ANKS1B: variants seen among roughly 807,000 people sequenced by gnomAD.
ANKS1B encodes ankyrin repeat and sterile alpha motif domain-containing protein 1B.
A neutral mutation model predicts 148.3 loss-of-function variants in ANKS1B; 36 were observed. The ratio of observed to expected loss-of-function variants is 0.24; its 90% confidence interval spans 0.19 to 0.32. The LOEUF (loss-of-function observed/expected upper bound fraction) is 0.32. Among genes scored for constraint, ANKS1B ranks in the 10% least tolerant of loss-of-function variants. The pLI is 1.00. For missense variants in ANKS1B, 1,157 were observed against 1,542.6 expected (o/e 0.75, Z 4.19); for synonymous variants, 542 against 560.8 (o/e 0.97, Z 0.47).
At chr12:99,952,161 T>A (rs1442658255) in intron 1 of ANKS1B, among the ~76,000 whole-genome samples, 1 of 152,178 alleles carries the variant, frequency 6.6e-6, no homozygotes, top group Admixed American at 6.6e-5. Context: ...TTGGGTCACA[T>A]AACCAAGTCC....
At chr12:99,488,139 G>A (rs184275146) in intron 10 of ANKS1B, among the ~76,000 whole-genome samples, 16 of 152,184 alleles carry the variant, frequency 1.1e-4, no homozygotes, top group African/African-American at 3.1e-4. Context: ...TTTGACTAAT[G>A]ATAGTCCTGC....
At chr12:98,776,629 G>T (rs2098678839) in intron 24 of ANKS1B, among the ~76,000 whole-genome samples, 1 of 152,182 alleles carries the variant, frequency 6.6e-6, no homozygotes, top group African/African-American at 2.4e-5. Context: ...AGGGCGCGTG[G>T]TGATGAAGTG....
At chr12:98,789,381 A>C (rs2098827361) in intron 22 of ANKS1B, among the ~76,000 whole-genome samples, 1 of 152,040 alleles carries the variant, frequency 6.6e-6, no homozygotes, top group Admixed American at 6.6e-5. Context: ...CGATAGAGTT[A>C]ATAAGATCAG....
intron 25 of ANKS1B, among the ~76,000 whole-genome samples, chr12:98,752,567 T>A (rs1409691660): frequency 6.6e-6 from 1 of 152,104 alleles, no homozygotes; most frequent in Non-Finnish European, 1.5e-5. Flanking sequence ...CACGGGTGCA[T>A]CTTTAAGCTT....
At chr12:99,508,886 A>T (rs968595080) in intron 9 of ANKS1B, among the ~76,000 whole-genome samples, 6 of 151,962 alleles carry the variant, frequency 3.9e-5, no homozygotes, top group South Asian at 2.1e-4. Context: ...TTGCATTTTT[A>T]AAAAAATAAA....
chr12:98,988,615 A>G (rs538223979), intron 17 of ANKS1B, among the ~76,000 whole-genome samples: 13 of 152,248 alleles, frequency 8.5e-5, no homozygotes, highest in African/African-American at 2.9e-4. Context: ...TTTGGATATT[A>G]TCTCAGTGGT....
chr12:99,675,815 T>C (rs537508872), intron 8 of ANKS1B, among the ~76,000 whole-genome samples: 3 of 152,174 alleles, frequency 2.0e-5, no homozygotes, highest in Non-Finnish European at 4.4e-5. Flanking sequence ...TATACTTTTA[T>C]ATATTAGGAT....
chr12:99,516,467 T>C (rs1045814510), intron 9 of ANKS1B, among the ~76,000 whole-genome samples: 14 of 152,084 alleles, frequency 9.2e-5, no homozygotes, highest in Admixed American at 2.6e-4. Context: ...GAAGCCATTA[T>C]CCTCAGCAAA....
intron 9 of ANKS1B, among the ~76,000 whole-genome samples, chr12:99,592,328 G>A (rs1597704772): frequency 6.6e-6 from 1 of 151,864 alleles, no homozygotes; most frequent in South Asian, 2.1e-4. Context: ...AAAGTACTAC[G>A]GTTTGAAGTG....
intron 14 of ANKS1B, among the ~76,000 whole-genome samples, chr12:99,186,651 G>T (rs935929284): frequency 1.3e-5 from 2 of 152,178 alleles, no homozygotes; most frequent in African/African-American, 4.8e-5. Flanking sequence ...AGAGGGGCCT[G>T]ACTGTTAGAA....
rs571353189 is a variant in ANKS1B at position 99,835,771 on chromosome 12, ACTCTAAT to A, written c.135-10389_135-10383del. Among the ~76,000 whole-genome samples the A allele has an allele frequency of 2.0e-3, 297 of 152,230 alleles. 1 individual carries two copies. Among genetic ancestry groups the A allele is most frequent in the African/African-American group, 6.9e-3 (288 of 41,546 alleles). On this transcript the variant is annotated intron_variant, in intron 1 of 26. Coordinates refer to ENST00000683438, the MANE Select transcript of ANKS1B (RefSeq NM_001352186.2). ...ATTCCAAGGGGAAAAAAGAAAATTA[ACTCTAAT>A]AATATGAAAAAGCTTTCTAGTATAA...
chr12:99,079,057 C>G (rs181289082), intron 16 of ANKS1B, among the ~76,000 whole-genome samples: 1 of 152,112 alleles, frequency 6.6e-6, no homozygotes, highest in African/African-American at 2.4e-5. Flanking sequence ...TCCGAAAATC[C>G]CTAAGAGCCT....
chr12:99,844,272 T>G (rs1271071877), intron 1 of ANKS1B, among the ~76,000 whole-genome samples: 1 of 152,224 alleles, frequency 6.6e-6, no homozygotes, highest in Non-Finnish European at 1.5e-5. Flanking sequence ...TTTTTGCTTT[T>G]GTGGCTATTG....
At chr12:99,001,331 GT>G (rs971322043) in intron 17 of ANKS1B, among the ~76,000 whole-genome samples, 8 of 152,134 alleles carry the variant, frequency 5.3e-5, no homozygotes, top group African/African-American at 1.9e-4. Flanking sequence ...GTCTCACTAT[GT>G]TGCCCAGGAT....
chr12:98,957,310 A>AATAT (rs1320271445), intron 17 of ANKS1B, among the ~76,000 whole-genome samples: 46 of 135,896 alleles, frequency 3.4e-4, no homozygotes, highest in Admixed American at 2.0e-3. Flanking sequence ...ATTTTTTTTA[A>AATAT]ATATTTATTT....
chr12:99,941,177 T>C (rs960646633), intron 1 of ANKS1B, among the ~76,000 whole-genome samples: 2 of 152,050 alleles, frequency 1.3e-5, no homozygotes, highest in South Asian at 2.1e-4. Context: ...CTAGTAAATA[T>C]AGAAGACAGG....
At chr12:99,244,485 C>A in intron 13 of ANKS1B, 71 bp from the exon 14 acceptor site, 2 of 1,037,912 alleles carry the variant, frequency 1.9e-6, no homozygotes, top group Middle Eastern at 2.4e-4. Context: ...AAATAAGTTT[C>A]AAATGAAGGG....
chr12:99,777,907 A>G (rs1178791148), intron 6 of ANKS1B, among the ~76,000 whole-genome samples: 1 of 151,720 alleles, frequency 6.6e-6, no homozygotes, highest in African/African-American at 2.4e-5. Context: ...TTAAAAGTTC[A>G]GTGAGAGGCA....
At chr12:99,639,512 T>C (rs989283222) in intron 9 of ANKS1B, among the ~76,000 whole-genome samples, 1 of 152,152 alleles carries the variant, frequency 6.6e-6, no homozygotes, top group Admixed American at 6.5e-5. Context: ...GGTTTGCTTG[T>C]GTCCCCACCA....
Sources: allele counts gnomAD v4.1 joint callset (sites outside exome capture counted in the v4.1 genomes callset), GRCh38; gene constraint gnomAD v4.1.1; transcripts MANE v1.5; gene names NCBI Gene and HGNC (gene_info 2026-07-23, HGNC 2026-07-21).